Variants in BZW2 observed in about 807,000 individuals in gnomAD.
The protein encoded by BZW2 is eIF5-mimic protein 1.
In BZW2, 23 loss-of-function variants were observed where a neutral mutation model predicts 53.2. The observed-to-expected ratio is 0.43, with a 90% CI of 0.31 to 0.61. The LOEUF (loss-of-function observed/expected upper bound fraction) is 0.61, where lower values mean the gene tolerates loss of function less well. Ranked by LOEUF, BZW2 falls within the 20% of genes least tolerant of loss-of-function variation. The pLI, the probability that BZW2 is intolerant of heterozygous loss-of-function variation, is 0.09. For missense variants in BZW2, 409 were observed against 503.1 expected (o/e 0.81, Z 1.79); for synonymous variants, 227 against 186.4 (o/e 1.22, Z -1.77).
At chr7:16,696,491 A>G (rs776636787) in intron 8 of BZW2, among the ~76,000 whole-genome samples, 50 of 152,198 alleles carry the variant, frequency 3.3e-4, no homozygotes, top group Admixed American at 3.3e-4. Context: ...TGGAGAATGG[A>G]CCTGTACAAA....
At chr7:16,692,690 G>A (rs1783347096) in intron 7 of BZW2, among the ~76,000 whole-genome samples, 1 of 152,186 alleles carries the variant, frequency 6.6e-6, no homozygotes, top group Non-Finnish European at 1.5e-5. Flanking sequence ...CTTGAACCCG[G>A]GAGGTGGAGG....
At chr7:16,691,023 C>G (rs1361237446) in intron 7 of BZW2, among the ~76,000 whole-genome samples, 1 of 152,210 alleles carries the variant, frequency 6.6e-6, no homozygotes, top group Non-Finnish European at 1.5e-5. Context: ...CTCTTTTCCT[C>G]AAGAACACAT....
intron 5 of BZW2, among the ~76,000 whole-genome samples, chr7:16,683,726 C>T (rs768695814): frequency 1.3e-5 from 2 of 152,208 alleles, no homozygotes; most frequent in Non-Finnish European, 2.9e-5. Context: ...GCACCCACTA[C>T]CTTTACTTGT....
chr7:16,693,632 G>C (rs909740419), intron 7 of BZW2, among the ~76,000 whole-genome samples: 1 of 152,178 alleles, frequency 6.6e-6, no homozygotes, highest in African/African-American at 2.4e-5. Flanking sequence ...TATGAGGAAA[G>C]TGCCAGTACA....
At chr7:16,695,454 G>A (rs1474150497) in intron 8 of BZW2, among the ~76,000 whole-genome samples, 11 of 152,130 alleles carry the variant, frequency 7.2e-5, no homozygotes, top group Admixed American at 7.2e-4. Flanking sequence ...AAAAAAGTTT[G>A]AATTCCTGTC....
chr7:16,672,892 G>C (rs1243901750), intron 2 of BZW2, among the ~76,000 whole-genome samples: 1 of 151,022 alleles, frequency 6.6e-6, no homozygotes, highest in African/African-American at 2.5e-5. Context: ...CACTGTGACA[G>C]CTCATTTATG....
intron 3 of BZW2, among the ~76,000 whole-genome samples, chr7:16,679,359 C>T (rs1408029108): frequency 6.6e-6 from 1 of 152,196 alleles, no homozygotes; most frequent in Non-Finnish European, 1.5e-5. Context: ...TTCAGCCGGT[C>T]CCTCCGTTCA....
chr7:16,672,962 T>C (rs1421870946), intron 2 of BZW2, among the ~76,000 whole-genome samples: 3 of 151,074 alleles, frequency 2.0e-5, no homozygotes, highest in East Asian at 1.9e-4. Flanking sequence ...CTTTTTTTTT[T>C]TGAAACGGAG....
At chr7:16,669,959 A>C (rs963147286) in intron 2 of BZW2, among the ~76,000 whole-genome samples, 1 of 152,222 alleles carries the variant, frequency 6.6e-6, no homozygotes, top group Non-Finnish European at 1.5e-5. Context: ...AATAAAATGC[A>C]AACTACATTT....
At chr7:16,690,276 A>G (rs1783260013) in intron 7 of BZW2, among the ~76,000 whole-genome samples, 1 of 151,774 alleles carries the variant, frequency 6.6e-6, no homozygotes, top group Non-Finnish European at 1.5e-5. Context: ...AATCTCGCTC[A>G]CTGCAACCTC....
chr7:16,653,052 GTGTGTA>G, intron 1 of BZW2, among the ~76,000 whole-genome samples: 1 of 152,174 alleles, frequency 6.6e-6, no homozygotes, highest in South Asian at 2.1e-4. Flanking sequence ...GTGTGTGTGT[GTGTGTA>G]GCCCTTCAAA....
intron 6 of BZW2, 27 bp downstream of exon 6, chr7:16,686,067 G>A (rs746771804): frequency 1.2e-6 from 2 of 1,609,128 alleles, no homozygotes; most frequent in Non-Finnish European, 8.5e-7. Flanking sequence ...TTTCTCGCCT[G>A]TCAGACAACA....
At chr7:16,682,708 A>G in intron 4 of BZW2, 72 bp from the exon 5 acceptor site, 1 of 863,714 alleles carries the variant, frequency 1.2e-6, no homozygotes. Flanking sequence ...TGGTGTCATT[A>G]TAGTGAGTTT....
At chr7:16,690,207 CTT>C (rs541086435) in intron 7 of BZW2, among the ~76,000 whole-genome samples, 4 of 145,812 alleles carry the variant, frequency 2.7e-5, no homozygotes, top group Middle Eastern at 3.3e-3. Flanking sequence ...AACTTTTTTA[CTT>C]TTTTTTTTTT....
At position 16,684,209 on chromosome 7, in the gene BZW2, C is replaced by T. The variant is rs73065833; in HGVS notation, c.405+1364C>T. On this transcript the variant is annotated intron_variant, in intron 5 of 11. Transcript: ENST00000258761. Reference sequence around the variant, plus strand: ...GCCCATGACAAATTAAGTGGAAATGCGAGGTGCAAAGCAACCATTTGGTAG... The same window carrying T: ...GCCCATGACAAATTAAGTGGAAATGTGAGGTGCAAAGCAACCATTTGGTAG... 7.7e-3 allele frequency among the ~76,000 whole-genome samples: 1,169 copies of T among 152,214 alleles called. 12 individuals carry two copies. The highest frequency in any genetic ancestry group is 0.014 in the Non-Finnish European group (956 of 68,000).
chr7:16,683,144 C>T (rs988880857), intron 5 of BZW2, among the ~76,000 whole-genome samples: 52 of 151,934 alleles, frequency 3.4e-4, no homozygotes, highest in Admixed American at 2.9e-3. Flanking sequence ...TTCAGTAAGC[C>T]GAGATCACTC....
chr7:16,682,756 A>G, intron 4 of BZW2, 24 bp from the exon 5 acceptor site: 2 of 1,501,070 alleles, frequency 1.3e-6, no homozygotes, highest in Non-Finnish European at 1.8e-6. Flanking sequence ...TTGACCTAAT[A>G]TTTAATGGTT....
intron 1 of BZW2, among the ~76,000 whole-genome samples, chr7:16,651,612 G>C (rs965619912): frequency 6.6e-6 from 1 of 152,352 alleles, no homozygotes; most frequent in Middle Eastern, 3.4e-3. Flanking sequence ...TAGTATTTGG[G>C]AGTGTGAAGA....
In BZW2 at chr7:16,706,231, A is replaced by G. The variant is rs938982133; in HGVS notation, c.*143A>G. 3 of 893,484 alleles carry G rather than the reference A, an allele frequency of 3.4e-6. No individual in the cohort carries two copies. Among genetic ancestry groups the G allele is most frequent in the Non-Finnish European group, 5.1e-6 (3 of 587,738 alleles). 55.3% of individuals were successfully genotyped at this position (893,484 alleles called of 1,614,324 possible). A position where few individuals can be genotyped will look rare whatever the true frequency, so the allele number is the denominator to read the frequency against. ...AGGCTTCCCTTGTGCAGAGGGAGAA[A>G]TGGTTTTGTTTTTGTTTTGTTTTTA... On this transcript the variant is annotated 3_prime_UTR_variant, in exon 12 of 12. Transcript: ENST00000258761.
Sources: gnomAD v4.1 joint callset for allele counts (sites outside exome capture counted in the v4.1 genomes callset) on GRCh38, gnomAD v4.1.1 for gene constraint, MANE v1.5 for transcripts, NCBI Gene and HGNC (gene_info 2026-07-23, HGNC 2026-07-21) for gene names.